CTNNA2: variants seen among roughly 807,000 people sequenced by gnomAD.
The protein encoded by CTNNA2 is catenin alpha 2.
A neutral mutation model predicts 101.0 loss-of-function variants in CTNNA2; 42 were observed. The observed-to-expected ratio is 0.42, with a 90% confidence interval of 0.32 to 0.54. The LOEUF is 0.54. CTNNA2 is among the 20% of genes least tolerant of loss of function. The pLI, the probability that CTNNA2 is intolerant of heterozygous loss-of-function variation, is 0.14. For missense variants in CTNNA2, 871 were observed against 1,223.1 expected, an observed-to-expected ratio of 0.71 and a Z score of 4.29; for synonymous variants, 450 against 456.4, an observed-to-expected ratio of 0.99 and a Z score of 0.18.
At chr2:79,187,270 C>CTTTTCTTTTCTTTTTTT (rs1242631840) in intron 1 of CTNNA2, among the ~76,000 whole-genome samples, 1 of 65,468 alleles carries the variant, frequency 1.5e-5, no homozygotes, top group African/African-American at 7.2e-5. Context: ...CTTTTCTTTT[C>CTTTTCTTTTCTTTTTTT]TTTTTTTTTT....
chr2:80,019,239 G>C (rs1268319946), intron 7 of CTNNA2, among the ~76,000 whole-genome samples: 1 of 152,204 alleles, frequency 6.6e-6, no homozygotes, highest in African/African-American at 2.4e-5. Context: ...CTGAGGGACT[G>C]ACTGTACTCA....
chr2:79,705,472 G>C (rs1036290256), intron 2 of CTNNA2, among the ~76,000 whole-genome samples: 5 of 152,096 alleles, frequency 3.3e-5, no homozygotes, highest in African/African-American at 1.2e-4. Context: ...AGTATACATA[G>C]GGTTCAGTAT....
intron 7 of CTNNA2, among the ~76,000 whole-genome samples, chr2:80,006,267 G>A (rs963011204): frequency 2.0e-5 from 3 of 150,686 alleles, no homozygotes; most frequent in Admixed American, 6.6e-5. Context: ...TGCAGAAAGT[G>A]TATTAAGTCT....
At chr2:80,295,932 T>A (rs1314073434) in intron 7 of CTNNA2, among the ~76,000 whole-genome samples, 3 of 152,312 alleles carry the variant, frequency 2.0e-5, no homozygotes, top group African/African-American at 7.2e-5. Context: ...CCAGATGAAT[T>A]TCAGTTTGCA....
chr2:79,955,242 T>C (rs1221486842), intron 7 of CTNNA2, among the ~76,000 whole-genome samples: 1 of 152,218 alleles, frequency 6.6e-6, no homozygotes, highest in Non-Finnish European at 1.5e-5. Flanking sequence ...ACCTCCCTTT[T>C]ATTGTGATTC....
rs76091077 is a variant in CTNNA2, at chr2:79,735,224, C to A, written c.103-9163C>A. 4.0e-3 allele frequency among the ~76,000 whole-genome samples: 613 copies of A among 152,200 alleles called. 5 individuals are homozygous for A. The highest frequency in any genetic ancestry group is 0.014 in the African/African-American group (587 of 41,544). ...GTGCTGCTATTTAAATATGAAACAT[C>A]GTGCCCTAATAGAGACTGGAAAAAA... On this transcript the variant is annotated intron_variant, in intron 2 of 18. Coordinates refer to ENST00000402739, the MANE Select transcript of CTNNA2 (RefSeq NM_001282597.3).
chr2:79,614,020 C>CT (rs1234286910), intron 1 of CTNNA2, among the ~76,000 whole-genome samples: 1 of 152,190 alleles, frequency 6.6e-6, no homozygotes, highest in Non-Finnish European at 1.5e-5. Flanking sequence ...ACTCCACAGC[C>CT]TGTGCTCCTT....
At chr2:79,470,271 G>A (rs989590277) in intron 4 of CTNNA2, among the ~76,000 whole-genome samples, 5 of 152,184 alleles carry the variant, frequency 3.3e-5, no homozygotes, top group Non-Finnish European at 5.9e-5. Context: ...AGGAGGCTTA[G>A]GCGGGAGGAG....
intron 9 of CTNNA2, among the ~76,000 whole-genome samples, chr2:80,470,051 C>G (rs987559992): frequency 9.2e-5 from 14 of 152,166 alleles, no homozygotes; most frequent in African/African-American, 3.4e-4. Flanking sequence ...CTTCAGCATT[C>G]CTTTACCCGT....
chr2:80,608,532 T>TA (rs1416488747), intron 17 of CTNNA2: 1 of 394,550 alleles, frequency 2.5e-6, no homozygotes, highest in Non-Finnish European at 4.4e-6. Context: ...TCTAGCCTTG[T>TA]AAAATCTCCA....
chr2:80,175,789 T>C (rs1705357179), intron 7 of CTNNA2, among the ~76,000 whole-genome samples: 2 of 152,250 alleles, frequency 1.3e-5, no homozygotes, highest in African/African-American at 4.8e-5. Flanking sequence ...GCCTTCAGTC[T>C]GTGGCCTAAG....
chr2:80,319,456 AGTT>A (rs1678468479), intron 7 of CTNNA2, among the ~76,000 whole-genome samples: 1 of 152,214 alleles, frequency 6.6e-6, no homozygotes, highest in Non-Finnish European at 1.5e-5. Context: ...TTTCTTCTGT[AGTT>A]GTTGTGAACA....
chr2:79,876,602 G>C (rs1330606294), intron 6 of CTNNA2, among the ~76,000 whole-genome samples: 2 of 152,178 alleles, frequency 1.3e-5, no homozygotes, highest in Non-Finnish European at 2.9e-5. Flanking sequence ...AGGAACTTCA[G>C]CTGCTGCCAC....
chr2:80,146,705 C>A, intron 7 of CTNNA2, among the ~76,000 whole-genome samples: 1 of 131,616 alleles, frequency 7.6e-6, no homozygotes, highest in Non-Finnish European at 1.6e-5. Context: ...AGGAAGTCCC[C>A]TCTGGTTTTT....
chr2:79,613,613 A>G (rs1678431157), intron 1 of CTNNA2, among the ~76,000 whole-genome samples: 1 of 152,178 alleles, frequency 6.6e-6, no homozygotes, highest in Non-Finnish European at 1.5e-5. Flanking sequence ...TATCAACAAT[A>G]ACAAAAATAA....
At chr2:79,574,103 G>A (rs1675634752) in intron 1 of CTNNA2, 1 of 152,732 alleles carries the variant, frequency 6.5e-6, no homozygotes, top group Non-Finnish European at 1.5e-5. Context: ...GCAGAGACAA[G>A]GAAAAGTATT....
chr2:79,556,203 T>C (rs1392663516), intron 1 of CTNNA2, among the ~76,000 whole-genome samples: 1 of 152,086 alleles, frequency 6.6e-6, no homozygotes, highest in Non-Finnish European at 1.5e-5. Context: ...TAGATTTATA[T>C]TGAACCCTCT....
chr2:79,841,412 G>T (rs1296204953), intron 3 of CTNNA2, among the ~76,000 whole-genome samples: 1 of 152,088 alleles, frequency 6.6e-6, no homozygotes, highest in Non-Finnish European at 1.5e-5. Context: ...CTATGGAATG[G>T]CAAATAAGCC....
intron 1 of CTNNA2, among the ~76,000 whole-genome samples, chr2:79,618,037 C>T (rs1678747605): frequency 6.6e-6 from 1 of 152,074 alleles, no homozygotes; most frequent in Non-Finnish European, 1.5e-5. Flanking sequence ...GAGTCATGGA[C>T]ACCCCCATCC....
Sources: allele counts gnomAD v4.1 joint callset (sites outside exome capture counted in the v4.1 genomes callset), GRCh38; gene constraint gnomAD v4.1.1; transcripts MANE v1.5; gene names NCBI Gene and HGNC (gene_info 2026-07-23, HGNC 2026-07-21).